Variants in RBFOX1 observed in about 807,000 individuals in gnomAD.
RBFOX1 encodes the protein RNA binding protein fox-1 homolog 1.
In RBFOX1, 8 loss-of-function variants were observed where a neutral mutation model predicts 57.7. The ratio of observed to expected loss-of-function variants is 0.14; its 90% CI spans 0.08 to 0.25. RBFOX1 has a LOEUF of 0.25. Ranked by LOEUF, RBFOX1 falls within the 10% of genes least tolerant of loss-of-function variation. The pLI is 1.00. For synonymous variants in RBFOX1, 326 were observed against 222.4 expected, an observed-to-expected ratio of 1.47 and a Z score of -4.15; for missense variants, 611 against 548.5, an observed-to-expected ratio of 1.11 and a Z score of -1.14.
chr16:7,189,934 G>C (rs925997709), intron 4 of RBFOX1, among the ~76,000 whole-genome samples: 2 of 152,200 alleles, frequency 1.3e-5, no homozygotes, highest in Non-Finnish European at 2.9e-5. Context: ...AGAAGAGCTT[G>C]GGCAAGACAT....
intron 3 of RBFOX1, among the ~76,000 whole-genome samples, chr16:6,793,712 G>A (rs2083400016): frequency 6.6e-6 from 1 of 152,160 alleles, no homozygotes; most frequent in African/African-American, 2.4e-5. Flanking sequence ...TTTTCACCCT[G>A]TTGTTAGAGT....
chr16:7,379,405 C>G (rs957157101), intron 4 of RBFOX1, among the ~76,000 whole-genome samples: 1 of 152,140 alleles, frequency 6.6e-6, no homozygotes, highest in Non-Finnish European at 1.5e-5. Flanking sequence ...AAATAGAACA[C>G]TTGTGTGCAA....
intron 4 of RBFOX1, among the ~76,000 whole-genome samples, chr16:7,436,689 G>T (rs1166854756): frequency 6.6e-6 from 1 of 152,182 alleles, no homozygotes; most frequent in African/African-American, 2.4e-5. Context: ...CTGAGCTCCA[G>T]CTCCTGGTGT....
intron 3 of RBFOX1, among the ~76,000 whole-genome samples, chr16:5,714,624 A>G (rs2051619638): frequency 6.6e-6 from 1 of 152,212 alleles, no homozygotes; most frequent in Admixed American, 6.5e-5. Flanking sequence ...TAGGTAACAG[A>G]TACAAGAAAG....
chr16:7,542,890 C>T (rs1293226734), intron 5 of RBFOX1, among the ~76,000 whole-genome samples: 2 of 151,722 alleles, frequency 1.3e-5, no homozygotes, highest in South Asian at 4.2e-4. Context: ...GCTAGGCACA[C>T]ATAATTGTTG....
intron 12 of RBFOX1, among the ~76,000 whole-genome samples, chr16:7,656,465 G>C (rs1361922405): frequency 6.6e-6 from 1 of 151,724 alleles, no homozygotes; most frequent in East Asian, 2.0e-4. Context: ...CCCCTATCTT[G>C]TGTTCAGGGA....
chr16:5,287,885 G>A (rs1169851554), intron 1 of RBFOX1, among the ~76,000 whole-genome samples: 1 of 152,178 alleles, frequency 6.6e-6, no homozygotes, highest in Non-Finnish European at 1.5e-5. Flanking sequence ...TGGATGCAGG[G>A]AGGACTTGGA....
chr16:7,533,471 TATG>T (rs910837886), intron 5 of RBFOX1, among the ~76,000 whole-genome samples: 1 of 152,232 alleles, frequency 6.6e-6, no homozygotes, highest in Non-Finnish European at 1.5e-5. Context: ...CTTCTTGACT[TATG>T]ATGGGGCTAT....
At chr16:6,242,361 C>T (rs75838333) in intron 1 of RBFOX1, among the ~76,000 whole-genome samples, 18,309 of 151,980 alleles carry the variant, frequency 0.12, 1,199 homozygotes, top group Middle Eastern at 0.26. Flanking sequence ...GCATTCTGCT[C>T]AAGGTTTTCT....
At chr16:6,439,243 C>T (rs1465474497) in intron 2 of RBFOX1, among the ~76,000 whole-genome samples, 2 of 152,174 alleles carry the variant, frequency 1.3e-5, no homozygotes, top group East Asian at 1.9e-4. Flanking sequence ...GCACATCCTT[C>T]GGCCTCTGAT....
At chr16:5,248,575 C>T (rs1303328053) in intron 1 of RBFOX1, among the ~76,000 whole-genome samples, 2 of 152,190 alleles carry the variant, frequency 1.3e-5, no homozygotes, top group East Asian at 3.9e-4. Context: ...GATCAGAGCC[C>T]CGGGGCAGGA....
intron 4 of RBFOX1, among the ~76,000 whole-genome samples, chr16:7,058,863 A>G (rs931403434): frequency 1.3e-5 from 2 of 152,208 alleles, no homozygotes; most frequent in African/African-American, 2.4e-5. Flanking sequence ...CTTTAAAGAT[A>G]AATATTAACT....
intron 4 of RBFOX1, among the ~76,000 whole-genome samples, chr16:5,993,977 C>T (rs117444296): frequency 0.013 from 1,904 of 152,154 alleles, 48 homozygotes; most frequent in Admixed American, 0.065. Context: ...GATGTTGGCA[C>T]GTATGGGACG....
At chr16:6,450,014 A>G (rs185174593) in intron 2 of RBFOX1, among the ~76,000 whole-genome samples, 7 of 152,132 alleles carry the variant, frequency 4.6e-5, no homozygotes, top group Admixed American at 2.0e-4. Context: ...CTTTTATTGG[A>G]TTGCAATTTG....
At chr16:6,350,382 T>C (rs12929208) in intron 2 of RBFOX1, among the ~76,000 whole-genome samples, 15,821 of 138,530 alleles carry the variant, frequency 0.11, 1,047 homozygotes, top group South Asian at 0.21. Flanking sequence ...CAGAGGTTGC[T>C]GTGAGCCGAG....
At chr16:5,726,485 C>G (rs1362071980) in intron 3 of RBFOX1, among the ~76,000 whole-genome samples, 9 of 152,188 alleles carry the variant, frequency 5.9e-5, no homozygotes, top group Non-Finnish European at 1.0e-4. Flanking sequence ...TCCCGCTTTC[C>G]TTCACTCTGT....
chr16:6,017,530 G>C (rs918061672), upstream of RBFOX1, among the ~76,000 whole-genome samples: 1 of 152,054 alleles, frequency 6.6e-6, no homozygotes. Context: ...AAAAAAAATT[G>C]CTTACATACA....
intron 4 of RBFOX1, among the ~76,000 whole-genome samples, chr16:7,351,023 C>T (rs1446074916): frequency 1.3e-5 from 2 of 152,194 alleles, no homozygotes; most frequent in Non-Finnish European, 2.9e-5. Flanking sequence ...GTGCCATGTG[C>T]CCATGGACTA....
At chr16:5,335,198 T>C (rs1236687454) in intron 1 of RBFOX1, among the ~76,000 whole-genome samples, 1 of 24,742 alleles carries the variant, frequency 4.0e-5, no homozygotes, top group African/African-American at 4.4e-5. Context: ...ATTTAAAAAA[T>C]TGGGTTCTTT....
Sources: allele counts gnomAD v4.1 joint callset (sites outside exome capture counted in the v4.1 genomes callset), GRCh38; gene constraint gnomAD v4.1.1; transcripts MANE v1.5; gene names NCBI Gene and HGNC (gene_info 2026-07-23, HGNC 2026-07-21).